The following SPATC1 variants were observed in gnomAD, a reference collection of about 807,000 sequenced individuals.
SPATC1 encodes spermatogenesis and centriole associated 1, also known as speriolin.
Under a neutral mutation model 36.5 loss-of-function variants are expected in SPATC1, and 35 were observed. The observed-to-expected ratio is 0.96, with a 90% CI of 0.73 to 1.27. SPATC1 has a LOEUF of 1.27. Ranked by LOEUF, SPATC1 falls within the 50% of genes most tolerant of loss-of-function variation. SPATC1 has a pLI of 0.00. For missense variants in SPATC1, 779 were observed against 796.0 expected (o/e 0.98, Z 0.26); for synonymous variants, 361 against 353.6 (o/e 1.02, Z -0.24).
Position 144,046,148 on chromosome 8 carries a change from A to G in SPATC1, c.1447-479A>G, listed in dbSNP as rs1428385736. Among the ~76,000 whole-genome samples the G allele has an allele frequency of 1.3e-5, 2 of 152,022 alleles. No individual in the cohort carries two copies. Among genetic ancestry groups the G allele is most frequent in the Non-Finnish European group, 2.9e-5 (2 of 67,954 alleles). On this transcript the variant is annotated intron_variant, in intron 4 of 4. Coordinates refer to ENST00000377470, the MANE Select transcript of SPATC1 (RefSeq NM_198572.3). This position sits in a 1 kb window ranked among gnomAD's most constrained non-coding sequence, Gnocchi z 6.6. ...GTGTGCAGGCTAGAGGGTGCTGAGGATGGAGGCCAGGGTAAGGAAGGGGGT... is the reference window on the plus strand; with the variant it reads ...GTGTGCAGGCTAGAGGGTGCTGAGGGTGGAGGCCAGGGTAAGGAAGGGGGT...
In SPATC1 at chr8:144,039,196, C is replaced by T. The variant is rs141399839; in HGVS notation, c.212-713C>T. ...CCACTACTGCCAGCAGCTGCATCCC[C>T]GGGGATCAGGGGGCTTCTCCCCGAA... On this transcript the variant is annotated intron_variant, in intron 1 of 4. Coordinates refer to ENST00000377470, the MANE Select transcript of SPATC1 (RefSeq NM_198572.3). 1.8e-4 allele frequency among the ~76,000 whole-genome samples: 28 copies of T among 152,332 alleles called. 1 individual carries two copies. The East Asian group carries it at 4.6e-3, about 25-fold the overall frequency.
intron 1 of SPATC1, among the ~76,000 whole-genome samples, chr8:144,025,189 C>T (rs1379602689): frequency 6.6e-6 from 1 of 152,124 alleles, no homozygotes; most frequent in Non-Finnish European, 1.5e-5. Flanking sequence ...CCTCAGGGCC[C>T]TCTCCCCTTA....
At chr8:144,031,557 A>T (rs1834796665) in intron 1 of SPATC1, among the ~76,000 whole-genome samples, 1 of 148,092 alleles carries the variant, frequency 6.8e-6, no homozygotes, top group South Asian at 2.1e-4. Flanking sequence ...TCTGTCTTTC[A>T]ACTGTCTGAT....
rs782621987 is a variant in SPATC1, at chr8:144,046,863, C to T, written c.1683C>T (p.Thr561=). The T allele has an allele frequency of 4.4e-5, 71 of 1,601,214 alleles. No individual in the cohort carries two copies. The South Asian group carries it at 7.4e-4, about 17-fold the overall frequency. The change falls in exon 5 of 5, where the codon ACC becomes ACT. Residue 561 remains threonine (T), a synonymous_variant. Transcript: ENST00000377470. This position sits in a 1 kb window ranked among gnomAD's most constrained non-coding sequence, Gnocchi z 6.6. The part of the protein sequence containing the change: ...VDFLQRVVVE[T]VHPGMLADAL... ...TCCTGCAGCGTGTGGTGGTGGAGAC[C>T]GTGCACCCCGGCATGCTCGCCGACG...
chr8:144,044,384 C>G (rs1472311065), intron 4 of SPATC1, among the ~76,000 whole-genome samples: 1 of 151,302 alleles, frequency 6.6e-6, no homozygotes, highest in Non-Finnish European at 1.5e-5. Flanking sequence ...TCACTGCAAG[C>G]TCCACGCCAC....
At chr8:144,032,678 C>A (rs1001776669) in intron 1 of SPATC1, among the ~76,000 whole-genome samples, 3 of 152,096 alleles carry the variant, frequency 2.0e-5, no homozygotes, top group Non-Finnish European at 2.9e-5. Flanking sequence ...TTTATTGCTG[C>A]TTGTTATGGG....
intron 1 of SPATC1, among the ~76,000 whole-genome samples, chr8:144,038,977 A>G (rs1834986864): frequency 6.6e-6 from 1 of 152,200 alleles, no homozygotes; most frequent in South Asian, 2.1e-4. Context: ...CGCACGGTAG[A>G]GAAGGTCTCC....
At chr8:144,012,758 G>A in intron 1 of SPATC1, 32 bp downstream of exon 1, 1 of 1,548,562 alleles carries the variant, frequency 6.5e-7, no homozygotes, top group Non-Finnish European at 8.7e-7. Context: ...AGAGTGAGGA[G>A]GGAAGTGGGG....
chr8:144,044,062 C>T (rs1835189433), intron 4 of SPATC1, among the ~76,000 whole-genome samples: 1 of 152,232 alleles, frequency 6.6e-6, no homozygotes, highest in Admixed American at 6.5e-5. Context: ...CACCTTCCCC[C>T]TGCACTCACT....
chr8:144,043,014 C>CTTTTTTTTTT (rs1835158150), intron 4 of SPATC1, among the ~76,000 whole-genome samples: 1 of 136,750 alleles, frequency 7.3e-6, no homozygotes, highest in Non-Finnish European at 1.5e-5. Context: ...TTTTTTGAGA[C>CTTTTTTTTTT]AGAGTCTTGC....
chr8:144,019,751 C>G (rs1474306745), intron 1 of SPATC1, among the ~76,000 whole-genome samples: 1 of 152,032 alleles, frequency 6.6e-6, no homozygotes, highest in Non-Finnish European at 1.5e-5. Context: ...GTGGGACAGC[C>G]GTCAGCACGG....
chr8:144,030,044 G>A (rs1213546492), intron 1 of SPATC1, among the ~76,000 whole-genome samples: 1 of 152,126 alleles, frequency 6.6e-6, no homozygotes, highest in Admixed American at 6.5e-5. Flanking sequence ...AATATATAAT[G>A]TTCTTCTTTG....
chr8:144,027,870 A>G (rs1272583778), intron 1 of SPATC1, among the ~76,000 whole-genome samples: 2 of 151,996 alleles, frequency 1.3e-5, no homozygotes, highest in African/African-American at 2.4e-5. Flanking sequence ...GTGCACACCT[A>G]TAATCCCAGC....
intron 1 of SPATC1, among the ~76,000 whole-genome samples, chr8:144,031,958 G>C (rs1024422893): frequency 6.6e-6 from 1 of 152,042 alleles, no homozygotes; most frequent in Non-Finnish European, 1.5e-5. Context: ...GGGCTCAAGC[G>C]ATCTGCCCAC....
At chr8:144,031,355 CAT>C (rs1388179217) in intron 1 of SPATC1, among the ~76,000 whole-genome samples, 1 of 151,798 alleles carries the variant, frequency 6.6e-6, no homozygotes, top group Non-Finnish European at 1.5e-5. Flanking sequence ...TTCTGGCCTT[CAT>C]AGTTTCTGAT....
intron 1 of SPATC1, among the ~76,000 whole-genome samples, chr8:144,027,655 T>C (rs1834712112): frequency 6.6e-6 from 1 of 152,204 alleles, no homozygotes; most frequent in Non-Finnish European, 1.5e-5. Context: ...ATCATTCTTT[T>C]GTAACATGGA....
At chr8:144,044,532 TCTC>T (rs1234900546) in intron 4 of SPATC1, among the ~76,000 whole-genome samples, 1 of 149,170 alleles carries the variant, frequency 6.7e-6, no homozygotes, top group Admixed American at 6.7e-5. Flanking sequence ...ATGGTCTTGA[TCTC>T]CTGACCTCGT....
intron 4 of SPATC1, chr8:144,042,052 C>T: frequency 1.0e-6 from 1 of 961,074 alleles, no homozygotes; most frequent in Non-Finnish European, 1.2e-6. Context: ...GCCTGGGCAA[C>T]AAACCAAGAC....
intron 1 of SPATC1, among the ~76,000 whole-genome samples, chr8:144,028,699 C>G (rs1283998207): frequency 6.6e-6 from 1 of 152,206 alleles, no homozygotes; most frequent in Non-Finnish European, 1.5e-5. Flanking sequence ...AATCCCATTA[C>G]TGGGTATATA....
Sources: gnomAD v4.1 joint callset for allele counts (sites outside exome capture counted in the v4.1 genomes callset) on GRCh38, gnomAD v4.1.1 for gene constraint, Gnocchi (gnomAD v3.1) non-coding constraint, MANE v1.5 for transcripts, NCBI Gene and HGNC (gene_info 2026-07-23, HGNC 2026-07-21) for gene names.